The following NFIB variants were observed in gnomAD, a reference collection of about 807,000 sequenced individuals.
NFIB encodes the protein nuclear factor I B.
Under a neutral mutation model 61.5 loss-of-function variants are expected in NFIB, and 11 were observed. The observed-to-expected ratio is 0.18, with a 90% CI of 0.11 to 0.30. The LOEUF is 0.30. Among genes scored for constraint, NFIB ranks in the 10% least tolerant of loss-of-function variants. NFIB has a pLI of 1.00. For synonymous variants in NFIB, 260 were observed against 216.5 expected, an observed-to-expected ratio of 1.20 and a Z score of -1.76; for missense variants, 471 against 608.9, an observed-to-expected ratio of 0.77 and a Z score of 2.38.
chr9:14,244,862 T>C (rs1241923807), intron 2 of NFIB, among the ~76,000 whole-genome samples: 1 of 152,206 alleles, frequency 6.6e-6, no homozygotes, highest in Non-Finnish European at 1.5e-5. Context: ...GATAAAAGTC[T>C]CTGGCCATAC....
intron 4 of NFIB, among the ~76,000 whole-genome samples, chr9:14,153,701 C>T (rs1224971164): frequency 6.6e-6 from 1 of 151,990 alleles, no homozygotes; most frequent in East Asian, 1.9e-4. Context: ...ATTGTAAAAC[C>T]CTAGAGGACT....
intron 3 of NFIB, among the ~76,000 whole-genome samples, chr9:14,170,118 G>T (rs983545401): frequency 2.6e-5 from 4 of 152,140 alleles, no homozygotes; most frequent in Admixed American, 1.3e-4. Context: ...CTTAGTGCCT[G>T]GACAGTTTAG....
At chr9:14,418,254 C>A in the NFIB span, among the ~76,000 whole-genome samples, 65 of 152,302 alleles carry the variant, frequency 4.3e-4, 1 homozygote, top group East Asian at 0.011. Context: ...AATACTGCTT[C>A]CTCCTTTGAG....
intron 2 of NFIB, among the ~76,000 whole-genome samples, chr9:14,188,433 G>T (rs1397421160): frequency 6.6e-6 from 1 of 152,082 alleles, no homozygotes; most frequent in Non-Finnish European, 1.5e-5. Flanking sequence ...AGAGTTTTAT[G>T]GCACGATTTT....
intron 2 of NFIB, among the ~76,000 whole-genome samples, chr9:14,285,482 T>C (rs549450403): frequency 2.8e-4 from 43 of 152,226 alleles, no homozygotes; most frequent in Admixed American, 2.6e-3. Context: ...TATGTAGAGG[T>C]TATTTCAGAC....
chr9:14,271,230 A>C (rs1588051921), intron 2 of NFIB, among the ~76,000 whole-genome samples: 15 of 81,764 alleles, frequency 1.8e-4, no homozygotes, highest in Admixed American at 4.5e-4. Context: ...CCCTCCCCAC[A>C]CCCCTCCCCA....
chr9:14,497,183 G>C, the NFIB span, among the ~76,000 whole-genome samples: 1 of 152,184 alleles, frequency 6.6e-6, no homozygotes, highest in East Asian at 1.9e-4. Flanking sequence ...TATCTTGTAA[G>C]AAGGCATCAA....
chr9:14,417,915 G>T, the NFIB span, among the ~76,000 whole-genome samples: 1 of 151,642 alleles, frequency 6.6e-6, no homozygotes, highest in South Asian at 2.1e-4. Flanking sequence ...CGGGTAGCTG[G>T]GATTACAGGT....
intron 1 of NFIB, among the ~76,000 whole-genome samples, chr9:14,350,064 A>G (rs1252222239): frequency 6.6e-6 from 1 of 152,148 alleles, no homozygotes; most frequent in Non-Finnish European, 1.5e-5. Context: ...GGCTTTCCCC[A>G]GGAGGGTCGT....
At chr9:14,097,954 G>C (rs1178365463) in intron 10 of NFIB, among the ~76,000 whole-genome samples, 1 of 127,746 alleles carries the variant, frequency 7.8e-6, no homozygotes, top group Non-Finnish European at 1.6e-5. Context: ...AATTTCTCTT[G>C]AGAAATCAAG....
chr9:14,387,778 G>A (rs957187847), intron 1 of NFIB, among the ~76,000 whole-genome samples: 4 of 152,126 alleles, frequency 2.6e-5, no homozygotes, highest in Admixed American at 1.3e-4. Context: ...CTTACTCTAC[G>A]ACACAGGATG....
intron 10 of NFIB, among the ~76,000 whole-genome samples, chr9:14,090,712 T>C (rs1397603486): frequency 2.6e-5 from 4 of 152,004 alleles, no homozygotes; most frequent in Non-Finnish European, 5.9e-5. Context: ...TAAAATACAA[T>C]GTCAACAAGC....
chr9:14,108,207 T>A (rs914193158), intron 10 of NFIB, among the ~76,000 whole-genome samples: 3 of 152,104 alleles, frequency 2.0e-5, no homozygotes, highest in African/African-American at 7.2e-5. Flanking sequence ...TCAATTATGA[T>A]AACAGACACA....
intron 2 of NFIB, among the ~76,000 whole-genome samples, chr9:14,196,443 G>A (rs1227127929): frequency 6.6e-6 from 1 of 152,078 alleles, no homozygotes; most frequent in South Asian, 2.1e-4. Flanking sequence ...GTTTGCGGAA[G>A]GGGGTTCCTG....
chr9:14,264,752 T>C (rs4741355), intron 2 of NFIB, among the ~76,000 whole-genome samples: 20,606 of 152,134 alleles, frequency 0.14, 1,593 homozygotes, highest in East Asian at 0.28. Flanking sequence ...GAAAATATCA[T>C]TTTTAAGTTC....
intron 1 of NFIB, among the ~76,000 whole-genome samples, chr9:14,353,706 C>T (rs1306668991): frequency 6.6e-6 from 1 of 152,092 alleles, no homozygotes; most frequent in Non-Finnish European, 1.5e-5. Context: ...GACCCGCAGG[C>T]GGTGAGACCC....
chr9:14,415,014 G>A, the NFIB span, among the ~76,000 whole-genome samples: 1 of 152,116 alleles, frequency 6.6e-6, no homozygotes, highest in African/African-American at 2.4e-5. Context: ...GTTTCTGTGG[G>A]GCAGGAGTCA....
intron 1 of NFIB, among the ~76,000 whole-genome samples, chr9:14,383,480 G>T (rs1424057033): frequency 1.3e-5 from 2 of 152,194 alleles, no homozygotes; most frequent in Non-Finnish European, 2.9e-5. Flanking sequence ...TGGGAAACCT[G>T]CCAGCATGGT....
chr9:14,427,954 T>TTTTTTG, the NFIB span, among the ~76,000 whole-genome samples: 75 of 117,582 alleles, frequency 6.4e-4, 1 homozygote, highest in East Asian at 0.015. Flanking sequence ...TTTTTTTTTT[T>TTTTTTG]TTTTTTTTTT....
Sources: gnomAD v4.1 joint callset for allele counts (sites outside exome capture counted in the v4.1 genomes callset) on GRCh38, gnomAD v4.1.1 for gene constraint, MANE v1.5 for transcripts, NCBI Gene and HGNC (gene_info 2026-07-23, HGNC 2026-07-21) for gene names.